Variants in DAGLA observed in about 807,000 individuals in gnomAD.
DAGLA encodes diacylglycerol lipase-alpha.
Under a neutral mutation model 102.6 loss-of-function variants are expected in DAGLA, and 22 were observed. The observed-to-expected ratio is 0.21, with a 90% confidence interval of 0.15 to 0.31. The LOEUF is 0.31. DAGLA is among the 10% of genes least tolerant of loss of function. DAGLA has a pLI of 1.00. For synonymous variants in DAGLA, 578 were observed against 628.9 expected, an observed-to-expected ratio of 0.92 and a Z score of 1.21; for missense variants, 927 against 1,446.6, an observed-to-expected ratio of 0.64 and a Z score of 5.83.
rs563788842 is a variant in DAGLA at position 61,735,758 on chromosome 11, C to G, written c.1232C>G (p.Thr411Arg). 1 of 1,613,448 alleles carries G rather than the reference C, an allele frequency of 6.2e-7. No homozygotes were observed. The highest frequency in any genetic ancestry group is 8.5e-7 in the Non-Finnish European group (1 of 1,179,746). ...LSPKDALTDL[T>R]GDAERLPVEG... ...CCCAAGGATGCCCTGACTGACCTGA[C>G]GGGTGATGCTGAGCGCCTCCCCGTG... Residue 411 changes from threonine (T) to arginine (R), a missense_variant, in exon 12 of 20, where the codon ACG (threonine) becomes AGG (arginine). Physicochemically the swap from Thr to Arg is moderately conservative, Grantham distance 71 (BLOSUM62 -1). Coordinates refer to ENST00000257215, the MANE Select transcript of DAGLA (RefSeq NM_006133.3).
rs761975863 is a variant in DAGLA at position 61,741,231 on chromosome 11, G to A, written c.2053G>A (p.Glu685Lys). 4 of 1,613,408 alleles carry A rather than the reference G, an allele frequency of 2.5e-6. No individual in the cohort carries two copies. The highest frequency in any genetic ancestry group is 1.3e-5 in the African/African-American group (1 of 74,930). Residue 685 changes from glutamate (E) to lysine (K), a missense_variant, in exon 19 of 20, where the codon GAG (glutamate) becomes AAG (lysine). Glu to Lys is a moderately conservative substitution (Grantham distance 56). Transcript: ENST00000257215. ...SAAKVMVSPTEVDLTPELIFQ... is the reference protein window; with the variant it reads ...SAAKVMVSPTKVDLTPELIFQ... ...AGCCAAGGTCATGGTGAGCCCTACC[G>A]AGGTGGACCTGACTCCTGAGCTCAT...
At chr11:61,735,366 G>T (rs2065414249) in intron 10 of DAGLA, among the ~76,000 whole-genome samples, 195 bp from the exon 11 acceptor site, 1 of 152,148 alleles carries the variant, frequency 6.6e-6, no homozygotes, top group Middle Eastern at 3.2e-3. Flanking sequence ...GGAGCGGGGA[G>T]GGCAGGGCAG....
At chr11:61,719,479 T>C (rs1183983762) in intron 1 of DAGLA, among the ~76,000 whole-genome samples, 1 of 152,212 alleles carries the variant, frequency 6.6e-6, no homozygotes, top group Non-Finnish European at 1.5e-5. Context: ...AACCAAGTCA[T>C]AGAGCACGCT....
At chr11:61,729,970 G>A (rs1034752803) in intron 8 of DAGLA, among the ~76,000 whole-genome samples, 9 of 151,854 alleles carry the variant, frequency 5.9e-5, no homozygotes, top group African/African-American at 9.7e-5. Context: ...CTACTTGGGA[G>A]GCTGAGGTAG....
chr11:61,705,557 C>A (rs2065142092), intron 1 of DAGLA, among the ~76,000 whole-genome samples: 1 of 152,226 alleles, frequency 6.6e-6, no homozygotes, highest in South Asian at 2.1e-4. Flanking sequence ...AGCTCCAGCT[C>A]CTAGTTCTAT....
Position 61,702,453 on chromosome 11 carries a change from A to T in DAGLA, c.-44-17659A>T, listed in dbSNP as rs376858693. 2.0e-5 allele frequency among the ~76,000 whole-genome samples: 3 copies of T among 152,344 alleles called. No homozygotes were observed. In the East Asian group the frequency reaches 5.8e-4, roughly 29 times the overall value. On this transcript the variant is annotated intron_variant, in intron 1 of 19. Transcript: ENST00000257215. ...CTGTGGGATTATATTCCTGAGCCAG[A>T]GGCTGCAGACCCTTATAAACTGAGC...
In DAGLA at chr11:61,739,543, A is replaced by G. The variant is rs2065457884; in HGVS notation, c.1735A>G (p.Ser579Gly). ...PEEVEVTTLA[S>G]TRLWTHPSDL... Reference sequence around the variant, plus strand: ...GGAGGTAGAGGTGACCACCCTGGCCAGCACGCGGCTCTGGACCCACCCCAG... The same window carrying G: ...GGAGGTAGAGGTGACCACCCTGGCCGGCACGCGGCTCTGGACCCACCCCAG... Residue 579 changes from serine to glycine, a missense_variant, in exon 17 of 20, where the codon AGC (serine) becomes GGC (glycine). Transcript: ENST00000257215. The G allele has an allele frequency of 1.2e-6, 2 of 1,614,028 alleles. No individual in the cohort carries two copies. Among genetic ancestry groups the G allele is most frequent in the African/African-American group, 2.7e-5 (2 of 74,936 alleles).
At chr11:61,724,327 G>A (rs1183019650) in intron 5 of DAGLA, among the ~76,000 whole-genome samples, 1 of 152,206 alleles carries the variant, frequency 6.6e-6, no homozygotes. Flanking sequence ...GGCTTCTACA[G>A]TGCATTATGT....
At chr11:61,705,871 C>T (rs1050931982) in intron 1 of DAGLA, among the ~76,000 whole-genome samples, 1 of 152,250 alleles carries the variant, frequency 6.6e-6, no homozygotes, top group Admixed American at 6.5e-5. Flanking sequence ...CTGCCCTAAA[C>T]CAGGGACTCT....
chr11:61,728,753 T>C (rs2065351375), intron 7 of DAGLA, among the ~76,000 whole-genome samples, 178 bp from the exon 8 acceptor site: 2 of 152,236 alleles, frequency 1.3e-5, no homozygotes, highest in Admixed American at 6.5e-5. Flanking sequence ...TCTGGAAATA[T>C]GGGGAAACCT....
intron 1 of DAGLA, among the ~76,000 whole-genome samples, chr11:61,691,366 A>G (rs2065023200): frequency 6.6e-6 from 1 of 152,260 alleles, no homozygotes; most frequent in Admixed American, 6.5e-5. Context: ...GGCTGGCCTC[A>G]TTGGGCTGAG....
intron 9 of DAGLA, among the ~76,000 whole-genome samples, chr11:61,733,599 G>C (rs575583046): frequency 6.6e-6 from 1 of 152,324 alleles, no homozygotes; most frequent in East Asian, 1.9e-4. Flanking sequence ...GTTGGATGCT[G>C]GCTCCCTCTG....
chr11:61,743,584 C>T lies in DAGLA; in HGVS notation c.2224C>T (p.Leu742=), dbSNP rs771022714. Residue 742 remains leucine, a synonymous_variant, in exon 20 of 20, where the codon CTG becomes TTG. Coordinates refer to ENST00000257215, the MANE Select transcript of DAGLA (RefSeq NM_006133.3). ...SLEGFSEGRL[L]SPVVAAAARQ... is the part of the protein sequence containing the mutation. ...GGAGGGCTTCTCGGAGGGGCGGCTGCTGTCGCCAGTGGTTGCGGCGGCGGC... is the reference window on the plus strand; with the variant it reads ...GGAGGGCTTCTCGGAGGGGCGGCTGTTGTCGCCAGTGGTTGCGGCGGCGGC... 6 of 1,562,148 alleles carry T rather than the reference C, an allele frequency of 3.8e-6. No individual in the cohort carries two copies. The East Asian group carries it at 1.3e-4, about 35-fold the overall frequency.
intron 1 of DAGLA, among the ~76,000 whole-genome samples, chr11:61,693,014 A>AT (rs776246668): frequency 0.026 from 3,621 of 139,636 alleles, 119 homozygotes; most frequent in African/African-American, 0.077. Flanking sequence ...TTTGGTTTCT[A>AT]TTTTTTTTTT....
rs147877005 is a variant in DAGLA at position 61,725,911 on chromosome 11, C to T, written c.549-84C>T. On this transcript the variant is annotated intron_variant, in intron 5 of 19. Coordinates refer to ENST00000257215, the MANE Select transcript of DAGLA (RefSeq NM_006133.3). The stretch of plus-strand genomic sequence containing the variant: ...CCTTTGGTAGGGTCCTGGGAACAGC[C>T]TGCCCTGTTTCCATAACGTCTGGGT... The T allele has an allele frequency of 9.5e-5, 121 of 1,280,080 alleles. No individual in the cohort carries two copies. In the East Asian group the frequency reaches 2.8e-3, roughly 30 times the overall value. 79.3% of individuals were successfully genotyped at this position (1,280,080 alleles called of 1,614,324 possible). A position where few individuals can be genotyped will look rare whatever the true frequency, so the allele number is the denominator to read the frequency against.
At chr11:61,705,668 G>A (rs1393464435) in intron 1 of DAGLA, among the ~76,000 whole-genome samples, 2 of 152,184 alleles carry the variant, frequency 1.3e-5, no homozygotes, top group Non-Finnish European at 2.9e-5. Context: ...GCTCCATAAG[G>A]GCTGGCACCA....
chr11:61,693,995 C>T (rs1374252953), intron 1 of DAGLA, among the ~76,000 whole-genome samples: 1 of 152,274 alleles, frequency 6.6e-6, no homozygotes, highest in Non-Finnish European at 1.5e-5. Flanking sequence ...TTTGGCATCA[C>T]CTAGGTGACT....
intron 1 of DAGLA, among the ~76,000 whole-genome samples, chr11:61,718,028 G>A (rs2065250543): frequency 6.6e-6 from 1 of 152,164 alleles, no homozygotes. Flanking sequence ...CTCGAGGAGT[G>A]TTAGCTATCC....
intron 3 of DAGLA, among the ~76,000 whole-genome samples, chr11:61,722,180 ATGT>A (rs1425926906): frequency 3.3e-5 from 5 of 152,242 alleles, no homozygotes; most frequent in East Asian, 1.9e-4. Flanking sequence ...TATGACATAA[ATGT>A]TGTCACTCCC....
Sources: allele counts gnomAD v4.1 joint callset (sites outside exome capture counted in the v4.1 genomes callset), GRCh38; gene constraint gnomAD v4.1.1; transcripts MANE v1.5; gene names NCBI Gene and HGNC (gene_info 2026-07-23, HGNC 2026-07-21).